Variants in CERS3 observed in about 807,000 individuals in gnomAD.
CERS3 encodes ceramide synthase 3.
Under a neutral mutation model 50.3 loss-of-function variants are expected in CERS3, and 33 were observed. The ratio of observed to expected loss-of-function variants is 0.66; its 90% CI spans 0.50 to 0.88. The LOEUF (loss-of-function observed/expected upper bound fraction) is 0.88. Ranked by LOEUF, CERS3 falls within the 40% of genes least tolerant of loss-of-function variation. The pLI is 0.00. For missense variants in CERS3, 470 were observed against 460.3 expected (o/e 1.02, Z -0.19); for synonymous variants, 176 against 155.2 (o/e 1.13, Z -0.99).
At chr15:100,514,561 T>C (rs2036439722) in intron 2 of CERS3, among the ~76,000 whole-genome samples, 1 of 152,194 alleles carries the variant, frequency 6.6e-6, no homozygotes. Context: ...ATGTTAGTAA[T>C]ATTAGTTTTT....
At chr15:100,453,872 A>G (rs550563739) in intron 11 of CERS3, among the ~76,000 whole-genome samples, 4 of 152,194 alleles carry the variant, frequency 2.6e-5, no homozygotes, top group African/African-American at 4.8e-5. Flanking sequence ...AAAGAACTCA[A>G]TAAGGGAATC....
At chr15:100,544,457 T>TTGACCTG (rs1567697396) in intron 1 of CERS3, 1 of 140,730 alleles carries the variant, frequency 7.1e-6, no homozygotes, top group Admixed American at 7.1e-5. Flanking sequence ...TCTCTCGGCC[T>TTGACCTG]AGGTCTGCGC....
At chr15:100,511,384 T>C (rs964404816) in intron 2 of CERS3, among the ~76,000 whole-genome samples, 1 of 152,162 alleles carries the variant, frequency 6.6e-6, no homozygotes, top group Non-Finnish European at 1.5e-5. Context: ...CTAGAATATA[T>C]AAAGAACTTC....
At chr15:100,513,429 T>A (rs1361489069) in intron 2 of CERS3, among the ~76,000 whole-genome samples, 1 of 152,184 alleles carries the variant, frequency 6.6e-6, no homozygotes, top group Non-Finnish European at 1.5e-5. Flanking sequence ...GACCCCTGCC[T>A]ACTTTTCCAG....
At position 100,402,846 on chromosome 15, in the gene CERS3, C is replaced by T. The variant is rs375351282; in HGVS notation, c.1019G>A (p.Ser340Asn). Residue 340 changes from serine to asparagine, a missense_variant, in exon 12 of 12, where the codon AGT becomes AAT. Physicochemically the swap from Ser to Asn is conservative, Grantham distance 46. Transcript: ENST00000679737. Reference sequence around the variant, plus strand: ...TTCCTCTTCATAATCCTCGTCATCACTCCTCACATCCTGGATGCTCTAGAC... The same window carrying T: ...TTCCTCTTCATAATCCTCGTCATCATTCCTCACATCCTGGATGCTCTAGAC... ...IFMKSIQDVR[S>N]DDEDYEEEEE... 6 of 1,606,048 alleles carry T rather than the reference C, an allele frequency of 3.7e-6. No individual in the cohort carries two copies. The highest frequency in any genetic ancestry group is 2.2e-5 in the South Asian group (2 of 89,996).
At chr15:100,521,117 G>C (rs2036626437) in intron 2 of CERS3, among the ~76,000 whole-genome samples, 1 of 152,122 alleles carries the variant, frequency 6.6e-6, no homozygotes, top group Non-Finnish European at 1.5e-5. Flanking sequence ...CTCAAATTTA[G>C]GCATTAACGG....
intron 11 of CERS3, among the ~76,000 whole-genome samples, chr15:100,443,403 A>G (rs1355610529): frequency 6.7e-6 from 1 of 149,006 alleles, no homozygotes; most frequent in African/African-American, 2.5e-5. Context: ...CTAAAACCAG[A>G]CAAGCCTTAC....
At chr15:100,544,459 G>GC (rs1567697423) in intron 1 of CERS3, 1 of 142,948 alleles carries the variant, frequency 7.0e-6, no homozygotes, top group Admixed American at 7.0e-5. Context: ...TCTCGGCCTA[G>GC]GTCTGCGCGG....
At chr15:100,502,391 G>A (rs2036039306) in intron 2 of CERS3, among the ~76,000 whole-genome samples, 1 of 151,734 alleles carries the variant, frequency 6.6e-6, no homozygotes, top group Admixed American at 6.6e-5. Context: ...TTTTGTTTAT[G>A]GAAAAACTCA....
chr15:100,430,184 C>T (rs966126292), intron 11 of CERS3, among the ~76,000 whole-genome samples: 21 of 151,632 alleles, frequency 1.4e-4, no homozygotes, highest in Non-Finnish European at 2.9e-4. Flanking sequence ...TGGTGGGGGG[C>T]GCCTGTAGTC....
chr15:100,408,113 C>A (rs1294804414), intron 11 of CERS3, among the ~76,000 whole-genome samples: 1 of 152,118 alleles, frequency 6.6e-6, no homozygotes, highest in East Asian at 1.9e-4. Context: ...CTCAAGTGAT[C>A]CACCCACCCT....
chr15:100,475,137 T>C (rs1446583715), intron 8 of CERS3, among the ~76,000 whole-genome samples: 1 of 152,210 alleles, frequency 6.6e-6, no homozygotes, highest in African/African-American at 2.4e-5. Context: ...TAAATTTTGA[T>C]GTATTCCTAG....
chr15:100,523,029 T>C (rs1596810217), intron 1 of CERS3, among the ~76,000 whole-genome samples: 1 of 152,312 alleles, frequency 6.6e-6, no homozygotes, highest in East Asian at 1.9e-4. Flanking sequence ...TTCTGGTGGG[T>C]GTGTAGTGGT....
At chr15:100,417,783 G>C (rs1051764241) in intron 11 of CERS3, among the ~76,000 whole-genome samples, 2 of 151,616 alleles carry the variant, frequency 1.3e-5, no homozygotes, top group African/African-American at 2.4e-5. Context: ...CCTGACCCCT[G>C]GGCAGCCTAA....
At chr15:100,498,186 G>T (rs1010036140) in intron 3 of CERS3, among the ~76,000 whole-genome samples, 1 of 151,880 alleles carries the variant, frequency 6.6e-6, no homozygotes, top group African/African-American at 2.4e-5. Context: ...GAGCCACCGC[G>T]CCCGGCCAAA....
rs180948912 is a variant in CERS3 at position 100,543,591 on chromosome 15, G to A, written c.-355+1060C>T. ...GTTGCCCAGGCTGGAGTGCAATGGC[G>A]CGATCTCGGCTCACTGTCACCTCTG... is the stretch of plus-strand genomic sequence containing the variant. On this transcript the variant is annotated intron_variant, in intron 1 of 12. Coordinates refer to the CERS3 transcript ENST00000284382. 4.7e-5 allele frequency among the ~76,000 whole-genome samples: 7 copies of A among 149,756 alleles called. No individual in the cohort carries two copies. In the East Asian group the frequency reaches 8.0e-4, roughly 17 times the overall value.
intron 3 of CERS3, among the ~76,000 whole-genome samples, chr15:100,494,198 CTTTTT>C (rs1270619627): frequency 1.6e-5 from 2 of 126,430 alleles, no homozygotes; most frequent in Non-Finnish European, 3.2e-5. Context: ...GCTTAGTCAC[CTTTTT>C]TCTTTTCATA....
intron 11 of CERS3, among the ~76,000 whole-genome samples, chr15:100,426,386 A>G (rs1449694798): frequency 6.6e-6 from 1 of 152,236 alleles, no homozygotes; most frequent in Non-Finnish European, 1.5e-5. Flanking sequence ...TCACTTACAT[A>G]AAGTTTTAAA....
chr15:100,447,628 C>T (rs2033993162), intron 11 of CERS3, among the ~76,000 whole-genome samples: 1 of 152,328 alleles, frequency 6.6e-6, no homozygotes, highest in South Asian at 2.1e-4. Flanking sequence ...AGCAGAAATG[C>T]GATCTTTTTC....
Sources: gnomAD v4.1 joint callset for allele counts (sites outside exome capture counted in the v4.1 genomes callset) on GRCh38, gnomAD v4.1.1 for gene constraint, MANE v1.5 for transcripts, NCBI Gene and HGNC (gene_info 2026-07-23, HGNC 2026-07-21) for gene names.